The following MIB1 variants were observed in gnomAD, a reference collection of about 807,000 sequenced individuals.
The protein encoded by MIB1 is MIB E3 ubiquitin protein ligase 1.
Under a neutral mutation model 124.5 loss-of-function variants are expected in MIB1, and 278 were observed. The ratio of observed to expected loss-of-function variants is 2.23; its 90% CI spans 2.02 to 2.47. The LOEUF (loss-of-function observed/expected upper bound fraction) is 2.47, where lower values mean the gene tolerates loss of function less well. Ranked by LOEUF, MIB1 falls within the 30% of genes most tolerant of loss-of-function variation. The pLI, the probability that MIB1 is intolerant of heterozygous loss-of-function variation, is 0.00. For missense variants in MIB1, 957 were observed against 1,254.4 expected (o/e 0.76, Z 3.58); for synonymous variants, 446 against 429.4 (o/e 1.04, Z -0.48).
At chr18:21,835,738 C>T (rs576324178) in intron 12 of MIB1, among the ~76,000 whole-genome samples, 1 of 147,516 alleles carries the variant, frequency 6.8e-6, no homozygotes, top group Non-Finnish European at 1.5e-5. Context: ...CTACTGCACT[C>T]CAGCCTGGGC....
intron 12 of MIB1, chr18:21,828,777 T>G (rs2041950547): frequency 5.2e-6 from 1 of 192,738 alleles, no homozygotes; most frequent in African/African-American, 2.4e-5. Context: ...TAAAAGGAGT[T>G]TCATGATAAT....
In MIB1 at chr18:21,866,462, A is replaced by T. The variant is rs942888499; in HGVS notation, c.*1796A>T. 6.6e-6 allele frequency: 1 copy of T among 152,232 alleles called. No individual in the cohort carries two copies. Among genetic ancestry groups the T allele is most frequent in the Non-Finnish European group, 1.5e-5 (1 of 68,038 alleles). 9.4% of individuals were successfully genotyped at this position (152,232 alleles called of 1,614,324 possible). A position where few individuals can be genotyped will look rare whatever the true frequency, so the allele number is the denominator to read the frequency against. On this transcript the variant is annotated 3_prime_UTR_variant, in exon 21 of 21. Transcript: ENST00000261537. Reference sequence around the variant, plus strand: ...GTAGAACATCTGACTGATGATGTTCACATAAAGAGACAGACAGACTATCAT... The same window carrying T: ...GTAGAACATCTGACTGATGATGTTCTCATAAAGAGACAGACAGACTATCAT...
At position 21,844,129 on chromosome 18, in the gene MIB1, A is replaced by G; in HGVS notation, c.2087A>G (p.Asp696Gly). The G allele has an allele frequency of 6.2e-7, 1 of 1,614,028 alleles. No homozygotes were observed. The highest frequency in any genetic ancestry group is 8.5e-7 in the Non-Finnish European group (1 of 1,180,006). ...GCAGGTGCCAAGCTTGATATTCAGG[A>G]TAAGGATGGGGATACTCCTTTGCAT... is the stretch of plus-strand genomic sequence containing the variant. The part of the protein sequence containing the change: ...VRAGAKLDIQ[D>G]KDGDTPLHEA... The change falls in exon 15 of 21, where the codon GAT (aspartate) becomes GGT (glycine). Residue 696 changes from aspartate to glycine, a missense_variant. By Grantham distance (94) the Asp-to-Gly change is moderately conservative. Coordinates refer to ENST00000261537, the MANE Select transcript of MIB1 (RefSeq NM_020774.4).
At chr18:21,833,678 A>C (rs2042003145) in intron 12 of MIB1, among the ~76,000 whole-genome samples, 1 of 152,184 alleles carries the variant, frequency 6.6e-6, no homozygotes, top group South Asian at 2.1e-4. Context: ...AAATTGACCC[A>C]GTGCCACTTG....
chr18:21,769,648 T>G (rs1384998883), intron 3 of MIB1, among the ~76,000 whole-genome samples: 3 of 152,360 alleles, frequency 2.0e-5, no homozygotes, highest in Non-Finnish European at 1.5e-5. Context: ...TTCTAGTAAC[T>G]TCTTTTGAAA....
At chr18:21,861,648 A>AT (rs1444416951) in intron 20 of MIB1, among the ~76,000 whole-genome samples, 2 of 148,458 alleles carry the variant, frequency 1.3e-5, no homozygotes, top group East Asian at 2.0e-4. Context: ...CTTCAAGGTT[A>AT]TTAAAAAAAA....
At chr18:21,791,644 G>A (rs943068535) in intron 7 of MIB1, 87 bp downstream of exon 7, 1 of 1,113,262 alleles carries the variant, frequency 9.0e-7, no homozygotes, top group Non-Finnish European at 1.3e-6. Flanking sequence ...AATTAAATTG[G>A]CATAAAACTT....
intron 1 of MIB1, among the ~76,000 whole-genome samples, chr18:21,753,485 C>A (rs1440407440): frequency 6.6e-6 from 1 of 151,938 alleles, no homozygotes; most frequent in Admixed American, 6.6e-5. Context: ...TCATGCCCAG[C>A]CTGAAAATAT....
At chr18:21,841,069 A>G (rs2042084369) in intron 13 of MIB1, among the ~76,000 whole-genome samples, 1 of 151,956 alleles carries the variant, frequency 6.6e-6, no homozygotes, top group Non-Finnish European at 1.5e-5. Context: ...CTGAAAATTT[A>G]ATAATAAAAG....
chr18:21,774,039 C>T (rs1006355167), intron 4 of MIB1, among the ~76,000 whole-genome samples: 5 of 152,014 alleles, frequency 3.3e-5, no homozygotes, highest in East Asian at 1.9e-4. Context: ...ACCTGGAAGA[C>T]GGTATTATAA....
At chr18:21,755,817 G>T (rs1349468517) in intron 1 of MIB1, among the ~76,000 whole-genome samples, 1 of 152,132 alleles carries the variant, frequency 6.6e-6, no homozygotes, top group African/African-American at 2.4e-5. Context: ...GCTTGGGTTA[G>T]AATTCGTTTA....
At position 21,862,636 on chromosome 18, in the gene MIB1, A is replaced by G. The variant is rs140457321; in HGVS notation, c.2881-1890A>G. The stretch of plus-strand genomic sequence containing the variant: ...TTCAGGGGAATCTACATTGATAGTA[A>G]TACAGTGCAGCACAGTGTCTAAGAG... On this transcript the variant is annotated intron_variant, in intron 20 of 20. Transcript: ENST00000261537. Among the ~76,000 whole-genome samples, 229 of 152,318 alleles carry G rather than the reference A, an allele frequency of 1.5e-3. 2 individuals are homozygous for G. Among genetic ancestry groups the G allele is most frequent in the African/African-American group, 5.2e-3 (216 of 41,570 alleles).
upstream of MIB1, among the ~76,000 whole-genome samples, chr18:21,736,238 G>T (rs143394757): frequency 0.019 from 2,959 of 152,316 alleles, 68 homozygotes; most frequent in African/African-American, 0.054. Context: ...GGCAAACAGG[G>T]TATGGAGTGG....
chr18:21,825,847 G>T, intron 12 of MIB1: 1 of 436,876 alleles, frequency 2.3e-6, no homozygotes, highest in Non-Finnish European at 4.8e-6. Flanking sequence ...TTACAGTCAT[G>T]GACCTTCTAC....
chr18:21,777,148 G>C (rs1050194211), intron 4 of MIB1, among the ~76,000 whole-genome samples: 9 of 152,102 alleles, frequency 5.9e-5, no homozygotes, highest in African/African-American at 2.2e-4. Flanking sequence ...GCCCGGCGTG[G>C]TGGCTTATGC....
At position 21,849,181 on chromosome 18, in the gene MIB1, A is replaced by C; in HGVS notation, c.2394-15A>C. ...TAATAAGATAGGCTTGATTTGAAATACTTTCTTTTATTAGTGGTCAAGTGG... is the reference window on the plus strand; with the variant it reads ...TAATAAGATAGGCTTGATTTGAAATCCTTTCTTTTATTAGTGGTCAAGTGG... On this transcript the variant is annotated splice_polypyrimidine_tract_variant and intron_variant, in intron 16 of 20. Coordinates refer to ENST00000261537, the MANE Select transcript of MIB1 (RefSeq NM_020774.4). 6.8e-7 allele frequency: 1 copy of C among 1,480,866 alleles called. No individual in the cohort carries two copies. The highest frequency in any genetic ancestry group is 9.1e-7 in the Non-Finnish European group (1 of 1,100,892). The allele number at this position is 1,480,866 out of a possible 1,614,324, so 91.7% of individuals were successfully genotyped here.
Position 21,857,244 on chromosome 18 carries a change from G to C in MIB1, c.2779+1G>C, listed in dbSNP as rs570099048. 5 of 1,602,674 alleles carry C rather than the reference G, an allele frequency of 3.1e-6. No homozygotes were observed. Among genetic ancestry groups the C allele is most frequent in the Non-Finnish European group, 3.4e-6 (4 of 1,169,736 alleles). On this transcript the variant is annotated splice_donor_variant, in intron 19 of 20. Coordinates refer to ENST00000261537, the MANE Select transcript of MIB1 (RefSeq NM_020774.4). LOFTEE classifies it high-confidence loss of function. ...TCAGAAGATGCCACTGATGATATCT[G>C]TAAGTCGATTGTCTTAAGCATTTTC...
chr18:21,805,291 G>T (rs906357795), intron 10 of MIB1, among the ~76,000 whole-genome samples: 1 of 152,064 alleles, frequency 6.6e-6, no homozygotes, highest in Non-Finnish European at 1.5e-5. Context: ...GAGATTACAG[G>T]TGTGAGCCAC....
At chr18:21,726,142 A>G (rs1323247297) in intron 1 of MIB1, among the ~76,000 whole-genome samples, 1 of 152,162 alleles carries the variant, frequency 6.6e-6, no homozygotes, top group African/African-American at 2.4e-5. Flanking sequence ...TGCTTTGGGA[A>G]GCTGAGGTGG....
Sources: gnomAD v4.1 joint callset for allele counts (sites outside exome capture counted in the v4.1 genomes callset) on GRCh38, gnomAD v4.1.1 for gene constraint, MANE v1.5 for transcripts, NCBI Gene and HGNC (gene_info 2026-07-23, HGNC 2026-07-21) for gene names.